Variants in ARHGAP24 observed in about 807,000 individuals in gnomAD.
ARHGAP24 encodes Rho GTPase activating protein 24.
A neutral mutation model predicts 76.4 loss-of-function variants in ARHGAP24; 50 were observed. The ratio of observed to expected loss-of-function variants is 0.65; its 90% CI spans 0.52 to 0.83. ARHGAP24 has a LOEUF of 0.83. ARHGAP24 is among the 40% of genes least tolerant of loss of function. ARHGAP24 has a pLI of 0.00. For missense variants in ARHGAP24, 930 were observed against 914.2 expected (o/e 1.02, Z -0.22); for synonymous variants, 345 against 323.3 (o/e 1.07, Z -0.72).
chr4:85,491,138 AG>A (rs1405432232), intron 1 of ARHGAP24, among the ~76,000 whole-genome samples: 10 of 152,152 alleles, frequency 6.6e-5, no homozygotes, highest in South Asian at 4.1e-4. Context: ...GTCCCCTTGG[AG>A]GTTATGACAA....
At chr4:85,819,571 A>C (rs1366672846) in intron 3 of ARHGAP24, among the ~76,000 whole-genome samples, 1 of 152,250 alleles carries the variant, frequency 6.6e-6, no homozygotes, top group Non-Finnish European at 1.5e-5. Context: ...TATTTAGTAC[A>C]AATTTATTAA....
intron 1 of ARHGAP24, among the ~76,000 whole-genome samples, chr4:85,506,664 G>C (rs922819104): frequency 6.6e-6 from 1 of 152,146 alleles, no homozygotes; most frequent in African/African-American, 2.4e-5. Flanking sequence ...GCTTCCCTTG[G>C]CTAGGAAAGG....
At chr4:85,547,266 T>C (rs1309989184) in intron 1 of ARHGAP24, among the ~76,000 whole-genome samples, 1 of 152,106 alleles carries the variant, frequency 6.6e-6, no homozygotes, top group Non-Finnish European at 1.5e-5. Context: ...ACCTTGAGAG[T>C]TTTGAAAACA....
intron 1 of ARHGAP24, among the ~76,000 whole-genome samples, chr4:85,529,641 C>T (rs1473803744): frequency 6.6e-6 from 1 of 151,958 alleles, no homozygotes; most frequent in African/African-American, 2.4e-5. Context: ...TCACTAGATG[C>T]CAGTAGAAAC....
chr4:85,538,607 T>G (rs1219726493), intron 1 of ARHGAP24, among the ~76,000 whole-genome samples: 1 of 152,204 alleles, frequency 6.6e-6, no homozygotes, highest in Non-Finnish European at 1.5e-5. Flanking sequence ...CTATTTGACT[T>G]GTAATTGAAC....
intron 2 of ARHGAP24, among the ~76,000 whole-genome samples, chr4:85,639,694 A>G (rs2109969313): frequency 1.4e-5 from 1 of 69,408 alleles, no homozygotes; most frequent in African/African-American, 5.7e-5. Flanking sequence ...TATTGGAGGG[A>G]ATAATTGGTA....
At chr4:85,745,459 G>T (rs1460384912) in intron 3 of ARHGAP24, among the ~76,000 whole-genome samples, 2 of 137,924 alleles carry the variant, frequency 1.5e-5, no homozygotes, top group Non-Finnish European at 3.3e-5. Flanking sequence ...GCATGGTGCT[G>T]TGCACCTGTG....
At chr4:85,802,688 G>A (rs1033436763) in intron 3 of ARHGAP24, among the ~76,000 whole-genome samples, 2 of 152,216 alleles carry the variant, frequency 1.3e-5, no homozygotes, top group African/African-American at 4.8e-5. Flanking sequence ...CTACTCGGGA[G>A]GCTGAGGCAG....
chr4:85,539,150 G>T (rs1725583241), intron 1 of ARHGAP24, among the ~76,000 whole-genome samples: 1 of 152,112 alleles, frequency 6.6e-6, no homozygotes, highest in Admixed American at 6.5e-5. Context: ...AAACGATTTG[G>T]TTTATCTATA....
intron 3 of ARHGAP24, among the ~76,000 whole-genome samples, chr4:85,816,008 T>C (rs1254009536): frequency 2.0e-5 from 3 of 152,078 alleles, no homozygotes; most frequent in Non-Finnish European, 1.5e-5. Context: ...AACCATCAGA[T>C]CTTGTGAGAC....
chr4:85,568,564 C>T (rs1010559979), intron 1 of ARHGAP24, among the ~76,000 whole-genome samples: 2 of 151,982 alleles, frequency 1.3e-5, no homozygotes, highest in Admixed American at 6.5e-5. Flanking sequence ...CATAGTAGGT[C>T]GGGTACTGCG....
chr4:85,876,953 A>AG lies in ARHGAP24; in HGVS notation c.269-46695_269-46694insG, dbSNP rs398107599. On this transcript the variant is annotated intron_variant, in intron 3 of 9. Coordinates refer to ENST00000395184, the MANE Select transcript of ARHGAP24 (RefSeq NM_001025616.3). The stretch of plus-strand genomic sequence containing the variant: ...ACTTTCCATTTTATTTATAAAAAAA[A>AG]CAGACTGAAGCTGACCTGTTTTTGA... Among the ~76,000 whole-genome samples, 9 of 151,748 alleles carry AG rather than the reference A, an allele frequency of 5.9e-5. No homozygotes were observed. The East Asian group carries it at 1.7e-3, about 29-fold the overall frequency.
intron 2 of ARHGAP24, among the ~76,000 whole-genome samples, chr4:85,593,633 G>T (rs775113445): frequency 6.6e-6 from 1 of 151,992 alleles, no homozygotes; most frequent in Admixed American, 6.6e-5. Context: ...ATTTGTATAC[G>T]GTGAGATATG....
intron 3 of ARHGAP24, among the ~76,000 whole-genome samples, chr4:85,810,618 A>G (rs1728971007): frequency 6.6e-6 from 1 of 152,132 alleles, no homozygotes; most frequent in Non-Finnish European, 1.5e-5. Context: ...TTTTGTCCTC[A>G]AATGTCTCAT....
chr4:85,807,606 G>A (rs553697384), intron 3 of ARHGAP24, among the ~76,000 whole-genome samples: 6 of 152,210 alleles, frequency 3.9e-5, no homozygotes, highest in South Asian at 2.1e-4. Flanking sequence ...GGATTCTCAG[G>A]TCTTCAACTC....
chr4:85,490,250 A>G (rs1450161928), intron 1 of ARHGAP24, among the ~76,000 whole-genome samples: 2 of 152,136 alleles, frequency 1.3e-5, no homozygotes, highest in African/African-American at 4.8e-5. Context: ...TAGTTAGGGA[A>G]CAGGTCTAGT....
intron 3 of ARHGAP24, among the ~76,000 whole-genome samples, chr4:85,762,460 C>A (rs1297381646): frequency 6.6e-6 from 1 of 152,134 alleles, no homozygotes; most frequent in Non-Finnish European, 1.5e-5. Context: ...CTACTCTGTA[C>A]CAAACCTAAT....
chr4:85,995,387 G>A lies in ARHGAP24; in HGVS notation c.1733G>A (p.Cys578Tyr), dbSNP rs1330897736. Reference sequence around the variant, plus strand: ...TCCTGTCGCTCTTCTACCACCACCTGCCCAGAGCAAGACTTTTTTGGGGGG... The same window carrying A: ...TCCTGTCGCTCTTCTACCACCACCTACCCAGAGCAAGACTTTTTTGGGGGG... ...SNSCRSSTTT[C>Y]PEQDFFGGNF... Residue 578 changes from cysteine (C) to tyrosine (Y), a missense_variant, in exon 9 of 10, where the codon TGC becomes TAC. By Grantham distance (194) the Cys-to-Tyr change is radical. Transcript: ENST00000395184. The A allele has an allele frequency of 6.2e-7, 1 of 1,613,728 alleles. No homozygotes were observed. The highest frequency in any genetic ancestry group is 8.5e-7 in the Non-Finnish European group (1 of 1,179,784).
At chr4:85,859,771 A>G (rs1481872982) in intron 3 of ARHGAP24, among the ~76,000 whole-genome samples, 1 of 152,126 alleles carries the variant, frequency 6.6e-6, no homozygotes, top group Admixed American at 6.6e-5. Context: ...TTAAGAGCCT[A>G]AGCCTACTAA....
Sources: allele counts gnomAD v4.1 joint callset (sites outside exome capture counted in the v4.1 genomes callset), GRCh38; gene constraint gnomAD v4.1.1; transcripts MANE v1.5; gene names NCBI Gene and HGNC (gene_info 2026-07-23, HGNC 2026-07-21).